The following STK32C variants were observed in gnomAD, a reference collection of about 807,000 sequenced individuals.
STK32C encodes the protein serine/threonine kinase 32C, also known as serine/threonine-protein kinase 32C.
A neutral mutation model predicts 56.5 loss-of-function variants in STK32C; 31 were observed. That is an observed-to-expected ratio of 0.55 (90% CI 0.41 to 0.74). The LOEUF (loss-of-function observed/expected upper bound fraction) is 0.74. STK32C is among the 30% of genes least tolerant of loss of function. The pLI is 0.00. For missense variants in STK32C, 544 were observed against 676.9 expected, an observed-to-expected ratio of 0.80 and a Z score of 2.18; for synonymous variants, 309 against 289.4, an observed-to-expected ratio of 1.07 and a Z score of -0.69.
chr10:132,248,379 A>G (rs2063764355), intron 1 of STK32C, among the ~76,000 whole-genome samples: 1 of 152,204 alleles, frequency 6.6e-6, no homozygotes, highest in African/African-American at 2.4e-5. Flanking sequence ...CCTGCCCTGC[A>G]GTGGGGAGGG....
chr10:132,218,907 G>A (rs1021709381), intron 10 of STK32C, among the ~76,000 whole-genome samples: 6 of 152,298 alleles, frequency 3.9e-5, no homozygotes, highest in Non-Finnish European at 5.9e-5. Context: ...CAACGTGGAC[G>A]GGCCTCAAAA....
Position 132,223,651 on chromosome 10 carries a change from G to A in STK32C, c.994-665C>T, listed in dbSNP as rs567961255. ...ACTCTCGGGGCTGGGGAGAGGCCCC[G>A]GCAGGCAAGGCCTCCCCAAGGATTT... is the stretch of plus-strand genomic sequence containing the variant. On this transcript the variant is annotated intron_variant, in intron 8 of 11. Coordinates refer to ENST00000298630, the MANE Select transcript of STK32C (RefSeq NM_173575.4). Among the ~76,000 whole-genome samples, 23 of 152,286 alleles carry A rather than the reference G, an allele frequency of 1.5e-4. No individual in the cohort carries two copies. The East Asian group carries it at 2.1e-3, about 14-fold the overall frequency.
intron 1 of STK32C, among the ~76,000 whole-genome samples, chr10:132,272,987 G>C (rs555792953): frequency 1.3e-4 from 20 of 152,258 alleles, no homozygotes; most frequent in African/African-American, 4.8e-4. Context: ...CTCTTCCCCA[G>C]AGCCGCACGC....
At chr10:132,280,875 C>T (rs537554970) in intron 1 of STK32C, among the ~76,000 whole-genome samples, 3 of 148,642 alleles carry the variant, frequency 2.0e-5, no homozygotes, top group Non-Finnish European at 4.5e-5. Flanking sequence ...GCCGTGACCA[C>T]GCCCCTGCAC....
chr10:132,230,279 CT>C (rs2063045095), intron 2 of STK32C, among the ~76,000 whole-genome samples: 1 of 152,264 alleles, frequency 6.6e-6, no homozygotes. Flanking sequence ...CTGGCTGCCC[CT>C]GGCAGGACCC....
rs140368810 is a variant in STK32C at position 132,246,585 on chromosome 10, C to A, written c.263-630G>T. On this transcript the variant is annotated intron_variant, in intron 1 of 11. Transcript: ENST00000298630. ...ATGAGAGCCGTTCCGCAAGCCTGTG[C>A]GAAGCTGCAGAAGGCACCATTTCCC... is the stretch of plus-strand genomic sequence containing the variant. 3.0e-3 allele frequency among the ~76,000 whole-genome samples: 460 copies of A among 152,308 alleles called. 4 individuals are homozygous for A. Among genetic ancestry groups the A allele is most frequent in the African/African-American group, 0.01 (436 of 41,562 alleles).
intron 2 of STK32C, among the ~76,000 whole-genome samples, chr10:132,236,299 G>A (rs552111738): frequency 1.4e-4 from 21 of 152,340 alleles, no homozygotes; most frequent in South Asian, 8.3e-4. Context: ...CGACTGCCCC[G>A]GAAATGGCCA....
At chr10:132,301,843 G>A (rs2065919070) in intron 1 of STK32C, among the ~76,000 whole-genome samples, 1 of 152,230 alleles carries the variant, frequency 6.6e-6, no homozygotes, top group Non-Finnish European at 1.5e-5. Context: ...CAGAGGGTTA[G>A]AGATCCCCCT....
At chr10:132,248,908 A>G (rs2063785443) in intron 1 of STK32C, 1 of 454,934 alleles carries the variant, frequency 2.2e-6, no homozygotes, top group African/African-American at 2.0e-5. Flanking sequence ...TTTAGAGAAT[A>G]AGCACAAGTT....
At chr10:132,325,467 G>A (rs1278433991) in intron 1 of STK32C, among the ~76,000 whole-genome samples, 1 of 151,496 alleles carries the variant, frequency 6.6e-6, no homozygotes, top group Non-Finnish European at 1.5e-5. Context: ...GCAGGAGAAT[G>A]GCGTGAACCC....
At chr10:132,281,702 GGGTGGTTTGT>G (rs1478051938) in intron 1 of STK32C, among the ~76,000 whole-genome samples, 1 of 152,224 alleles carries the variant, frequency 6.6e-6, no homozygotes, top group Non-Finnish European at 1.5e-5. Context: ...TGGGCCGGTC[GGGTGGTTTGT>G]GCAGGTCCCC....
intron 1 of STK32C, chr10:132,249,165 G>C (rs1242849878): frequency 4.8e-6 from 2 of 419,342 alleles, no homozygotes; most frequent in Non-Finnish European, 9.6e-6. Flanking sequence ...CGTGCAGGGG[G>C]CGGGGCTATG....
chr10:132,227,053 G>A, intron 3 of STK32C, 85 bp from the exon 4 acceptor site: 2 of 1,481,374 alleles, frequency 1.4e-6, no homozygotes, highest in Non-Finnish European at 1.8e-6. Context: ...CTCCCCCTAA[G>A]GACCACAGCC....
chr10:132,329,251 AAAAAATAC>A (rs1295951476), intron 1 of STK32C, among the ~76,000 whole-genome samples: 1 of 152,106 alleles, frequency 6.6e-6, no homozygotes, highest in Non-Finnish European at 1.5e-5. Flanking sequence ...CCGTCTCTAC[AAAAAATAC>A]AAAAATTAGC....
At chr10:132,216,548 T>A (rs949280081) in intron 10 of STK32C, among the ~76,000 whole-genome samples, 4 of 151,848 alleles carry the variant, frequency 2.6e-5, no homozygotes, top group African/African-American at 9.7e-5. Context: ...GAACTGAATA[T>A]TAATCACCAA....
At chr10:132,278,203 C>T (rs1430624270) in intron 1 of STK32C, among the ~76,000 whole-genome samples, 1 of 152,124 alleles carries the variant, frequency 6.6e-6, no homozygotes, top group Non-Finnish European at 1.5e-5. Context: ...ACACTAGATC[C>T]CCACCTCATG....
chr10:132,213,327 C>A (rs2062372943), intron 10 of STK32C, among the ~76,000 whole-genome samples: 1 of 152,192 alleles, frequency 6.6e-6, no homozygotes. Flanking sequence ...TGGAACAGTT[C>A]CCTCCCCACC....
rs910004946 is a variant in STK32C at position 132,207,798 on chromosome 10, C to A, written c.*212G>T. 3.5e-6 allele frequency: 2 copies of A among 566,526 alleles called. No homozygotes were observed. Among genetic ancestry groups the A allele is most frequent in the Non-Finnish European group, 5.2e-6 (2 of 382,352 alleles). 35.1% of individuals were successfully genotyped at this position (566,526 alleles called of 1,614,324 possible). The stretch of plus-strand genomic sequence containing the variant: ...CATCTAGGCGGGTCTCGGGGGCCCA[C>A]GGGAAATGCCCTCCACAGGTGTCCC... On this transcript the variant is annotated 3_prime_UTR_variant, in exon 12 of 12. Coordinates refer to ENST00000298630, the MANE Select transcript of STK32C (RefSeq NM_173575.4).
intron 1 of STK32C, among the ~76,000 whole-genome samples, chr10:132,288,210 C>T (rs1019627375): frequency 8.5e-5 from 13 of 152,122 alleles, no homozygotes; most frequent in East Asian, 3.9e-4. Context: ...CAACCCTCAC[C>T]GCATGTGAAA....
Sources: allele counts gnomAD v4.1 joint callset (sites outside exome capture counted in the v4.1 genomes callset), GRCh38; gene constraint gnomAD v4.1.1; transcripts MANE v1.5; gene names NCBI Gene and HGNC (gene_info 2026-07-23, HGNC 2026-07-21).